The following SBF2 variants were observed in gnomAD, a reference collection of about 807,000 sequenced individuals.
SBF2 encodes SET binding factor 2, also known as myotubularin-related protein 13.
Under a neutral mutation model 225.2 loss-of-function variants are expected in SBF2, and 112 were observed. The ratio of observed to expected loss-of-function variants is 0.50; its 90% confidence interval spans 0.43 to 0.58. SBF2 has a LOEUF of 0.58. Ranked by LOEUF, SBF2 falls within the 20% of genes least tolerant of loss-of-function variation. SBF2 has a pLI of 0.00. For missense variants in SBF2, 1,996 were observed against 2,206.2 expected, an observed-to-expected ratio of 0.90 and a Z score of 1.91; for synonymous variants, 763 against 773.3, an observed-to-expected ratio of 0.99 and a Z score of 0.22.
At chr11:10,149,675 T>G (rs1466073861) in intron 2 of SBF2, 1 of 152,230 alleles carries the variant, frequency 6.6e-6, no homozygotes, top group Non-Finnish European at 1.5e-5. Flanking sequence ...TTTGGGATCT[T>G]GTTACAGTAG....
Position 9,849,930 on chromosome 11 carries a change from T to G in SBF2, c.2806+93A>C, listed in dbSNP as rs541405489. 4.0e-6 allele frequency: 5 copies of G among 1,244,846 alleles called. No individual in the cohort carries two copies. The African/African-American group carries it at 7.4e-5, about 18-fold the overall frequency. The allele number at this position is 1,244,846 out of a possible 1,614,324, so 77.1% of individuals were successfully genotyped here. On this transcript the variant is annotated intron_variant, in intron 22 of 39. Transcript: ENST00000256190. The stretch of plus-strand genomic sequence containing the variant: ...TGTGTGGCAAAAAGCTGACTTTGGA[T>G]TTAAAATGATCTGCAAATCACTGTG...
At chr11:9,804,874 T>C (rs1018852047) in intron 32 of SBF2, among the ~76,000 whole-genome samples, 2 of 152,224 alleles carry the variant, frequency 1.3e-5, no homozygotes, top group African/African-American at 4.8e-5. Flanking sequence ...TTTTTCATGC[T>C]ACCCCTTTAT....
chr11:10,130,476 C>T (rs1220221039), intron 2 of SBF2, among the ~76,000 whole-genome samples: 1 of 152,022 alleles, frequency 6.6e-6, no homozygotes, highest in Non-Finnish European at 1.5e-5. Context: ...CAAGGCAATA[C>T]AATGAGGTCC....
intron 2 of SBF2, among the ~76,000 whole-genome samples, chr11:10,134,968 G>A (rs961707100): frequency 4.6e-5 from 7 of 152,220 alleles, no homozygotes; most frequent in Admixed American, 2.6e-4. Context: ...TTTCCCTTTT[G>A]CACTGCCCTA....
chr11:10,006,497 C>T (rs1948196453), intron 6 of SBF2, among the ~76,000 whole-genome samples: 1 of 152,188 alleles, frequency 6.6e-6, no homozygotes, highest in Non-Finnish European at 1.5e-5. Flanking sequence ...CTCATTCTAG[C>T]CCTTTAAGGA....
chr11:10,159,532 T>C (rs145263552), intron 2 of SBF2, among the ~76,000 whole-genome samples: 11,539 of 152,192 alleles, frequency 0.076, 613 homozygotes, highest in East Asian at 0.28. Flanking sequence ...AGAAGACAGC[T>C]TCGACTCCCT....
chr11:9,789,641 C>T (rs765316723), intron 34 of SBF2, among the ~76,000 whole-genome samples: 7 of 152,198 alleles, frequency 4.6e-5, no homozygotes, highest in Non-Finnish European at 7.3e-5. Flanking sequence ...ACTGGAGGAG[C>T]TGGCCCCAGC....
intron 2 of SBF2, among the ~76,000 whole-genome samples, chr11:10,181,757 C>G (rs1163172466): frequency 2.6e-5 from 4 of 152,000 alleles, no homozygotes; most frequent in African/African-American, 9.7e-5. Flanking sequence ...GAGTATAATT[C>G]CAAGGCATTT....
At chr11:10,277,615 T>TA (rs1248512755) in intron 1 of SBF2, among the ~76,000 whole-genome samples, 1 of 152,188 alleles carries the variant, frequency 6.6e-6, no homozygotes, top group Non-Finnish European at 1.5e-5. Flanking sequence ...AACAGGGTCT[T>TA]TGCAGATATA....
At chr11:10,023,397 A>T (rs1948931533) in intron 6 of SBF2, among the ~76,000 whole-genome samples, 1 of 152,186 alleles carries the variant, frequency 6.6e-6, no homozygotes, top group African/African-American at 2.4e-5. Context: ...CATACCATAA[A>T]TTCCCCATTT....
At chr11:10,210,136 T>C (rs1042300677) in intron 1 of SBF2, among the ~76,000 whole-genome samples, 1 of 151,992 alleles carries the variant, frequency 6.6e-6, no homozygotes, top group Non-Finnish European at 1.5e-5. Flanking sequence ...CAAAACTCCA[T>C]CTCTACAAAA....
At chr11:10,190,380 A>G (rs1415042643) in intron 2 of SBF2, among the ~76,000 whole-genome samples, 2 of 152,236 alleles carry the variant, frequency 1.3e-5, no homozygotes, top group Non-Finnish European at 2.9e-5. Context: ...ATGCCTAAAA[A>G]GCACAAGAGA....
At chr11:10,280,867 G>C (rs1963362221) in intron 1 of SBF2, among the ~76,000 whole-genome samples, 1 of 152,140 alleles carries the variant, frequency 6.6e-6, no homozygotes, top group African/African-American at 2.4e-5. Flanking sequence ...GCCTTCACTG[G>C]TTTCTCCTTA....
At chr11:10,232,298 C>A (rs956281219) in intron 1 of SBF2, among the ~76,000 whole-genome samples, 1 of 152,190 alleles carries the variant, frequency 6.6e-6, no homozygotes, top group Non-Finnish European at 1.5e-5. Context: ...ACGCTCGGTG[C>A]GCTGCACCCA....
intron 13 of SBF2, among the ~76,000 whole-genome samples, chr11:9,980,577 C>A (rs1213933289): frequency 2.0e-5 from 3 of 151,774 alleles, no homozygotes; most frequent in Non-Finnish European, 4.4e-5. Context: ...ATTGATAAAA[C>A]AGAACTTAAG....
intron 20 of SBF2, 78 bp downstream of exon 20, chr11:9,853,462 G>C: frequency 8.3e-7 from 1 of 1,208,994 alleles, no homozygotes; most frequent in Non-Finnish European, 1.2e-6. Context: ...TATAATGGAA[G>C]ACATGTATTG....
At chr11:10,008,949 G>A (rs748467884) in intron 6 of SBF2, among the ~76,000 whole-genome samples, 18 of 152,284 alleles carry the variant, frequency 1.2e-4, no homozygotes, top group Admixed American at 2.6e-4. Flanking sequence ...GGATAAATGC[G>A]GTGCACATAA....
chr11:10,072,736 T>C (rs61007762), intron 2 of SBF2, among the ~76,000 whole-genome samples: 8,218 of 111,160 alleles, frequency 0.074, 266 homozygotes, highest in East Asian at 0.26. Flanking sequence ...TTTTTTTTCT[T>C]TTTTTTTTTT....
At chr11:9,896,726 T>G (rs528497244) in intron 16 of SBF2, among the ~76,000 whole-genome samples, 22 of 148,248 alleles carry the variant, frequency 1.5e-4, no homozygotes, top group African/African-American at 5.0e-4. Flanking sequence ...GAGGTGGAGG[T>G]TGCAGTGAGC....
Sources: allele counts gnomAD v4.1 joint callset (sites outside exome capture counted in the v4.1 genomes callset), GRCh38; gene constraint gnomAD v4.1.1; transcripts MANE v1.5; gene names NCBI Gene and HGNC (gene_info 2026-07-23, HGNC 2026-07-21).